CLIP3: variants seen among roughly 807,000 people sequenced by gnomAD.
CLIP3 encodes the protein CAP-Gly domain containing linker protein 3, also known as CAP-Gly domain-containing linker protein 3.
CLIP3 carries 15 observed loss-of-function variants against 59.4 expected under a neutral mutation model. The observed-to-expected ratio is 0.25, with a 90% CI of 0.17 to 0.39. The LOEUF is 0.39. Ranked by LOEUF, CLIP3 falls within the 10% of genes least tolerant of loss-of-function variation. The pLI, the probability that CLIP3 is intolerant of heterozygous loss-of-function variation, is 1.00. For missense variants in CLIP3, 495 were observed against 765.7 expected, an observed-to-expected ratio of 0.65 and a Z score of 4.17; for synonymous variants, 300 against 321.6, an observed-to-expected ratio of 0.93 and a Z score of 0.72.
At chr19:36,019,058 C>G in intron 8 of CLIP3, 32 bp from the exon 9 acceptor site, 1 of 1,585,772 alleles carries the variant, frequency 6.3e-7, no homozygotes, top group Non-Finnish European at 8.6e-7. Flanking sequence ...CTGGTGTTGT[C>G]CAAGCCTCTG....
intron 7 of CLIP3, among the ~76,000 whole-genome samples, chr19:36,019,598 A>ATTTTTTTTTTTTTTTTTTTT: frequency 1.0e-5 from 1 of 99,426 alleles, no homozygotes; most frequent in East Asian, 2.9e-4. Flanking sequence ...TTATTTATTT[A>ATTTTTTTTTTTTTTTTTTTT]TTTTATTTAT....
At chr19:36,024,066 G>A (rs890995553) in intron 7 of CLIP3, among the ~76,000 whole-genome samples, 19 of 152,144 alleles carry the variant, frequency 1.2e-4, no homozygotes, top group African/African-American at 4.1e-4. Context: ...GGGCCTGATC[G>A]AGGACCACAA....
chr19:36,022,655 C>CTT (rs1377212588), intron 7 of CLIP3, among the ~76,000 whole-genome samples: 2 of 152,214 alleles, frequency 1.3e-5, no homozygotes, highest in Non-Finnish European at 2.9e-5. Flanking sequence ...GGCGCAGTGG[C>CTT]TTATGCCTGT....
chr19:36,024,836 G>C (rs1049575975), intron 6 of CLIP3, among the ~76,000 whole-genome samples: 2 of 152,330 alleles, frequency 1.3e-5, no homozygotes, highest in Middle Eastern at 3.4e-3. Context: ...TGAGGCCGAG[G>C]CAGGCAGATG....
chr19:36,025,389 G>C (rs1025087760), intron 6 of CLIP3, among the ~76,000 whole-genome samples: 2 of 150,468 alleles, frequency 1.3e-5, no homozygotes, highest in African/African-American at 4.9e-5. Flanking sequence ...TCAGGAGCTC[G>C]AGACCAGCCT....
At position 36,014,829 on chromosome 19, in the gene CLIP3, G is replaced by A. The variant is rs988793415; in HGVS notation, c.*1329C>T. 8 of 154,888 alleles carry A rather than the reference G, an allele frequency of 5.2e-5. No individual in the cohort carries two copies. The highest frequency in any genetic ancestry group is 1.9e-4 in the African/African-American group (8 of 41,454). The allele number at this position is 154,888 out of a possible 1,614,324, so 9.6% of individuals were successfully genotyped here. ...CTGTTGGTCTGGCCCAGGTGCTGTG[G>A]GGTCCTTTGAGGCCAGTGACTAGAA... On this transcript the variant is annotated 3_prime_UTR_variant, in exon 14 of 14. Coordinates refer to ENST00000360535, the MANE Select transcript of CLIP3 (RefSeq NM_015526.3).
chr19:36,022,367 A>C (rs2145397544), intron 7 of CLIP3, among the ~76,000 whole-genome samples: 1 of 152,296 alleles, frequency 6.6e-6, no homozygotes, highest in South Asian at 2.1e-4. Flanking sequence ...ATTGACACCC[A>C]AAGAGGCAGA....
chr19:36,025,667 G>C (rs912022532), intron 6 of CLIP3, among the ~76,000 whole-genome samples: 2 of 152,148 alleles, frequency 1.3e-5, no homozygotes, highest in African/African-American at 4.8e-5. Flanking sequence ...CTCTGGGCCA[G>C]TGGAAAATGG....
rs755897777 is a variant in CLIP3 at position 36,016,639 on chromosome 19, C to T, written c.1589+268G>A. ...CTGGGATTAAAGGCATGAGCCACCC[C>T]GCCCGGTCTCTAGCTGTTGTTCTGA... On this transcript the variant is annotated intron_variant, in intron 13 of 13. Coordinates refer to ENST00000360535, the MANE Select transcript of CLIP3 (RefSeq NM_015526.3). The surrounding 1 kb of genome is among the most constrained non-coding windows in gnomAD (Gnocchi z 4.1). 6.6e-6 allele frequency among the ~76,000 whole-genome samples: 1 copy of T among 152,200 alleles called. No homozygotes were observed. The highest frequency in any genetic ancestry group is 1.5e-5 in the Non-Finnish European group (1 of 68,036).
At position 36,032,360 on chromosome 19, in the gene CLIP3, TCCTCGGTGGC is replaced by T. The variant is rs1049303868; in HGVS notation, c.-13_-4del. On this transcript the variant is annotated 5_prime_UTR_variant, in exon 2 of 14. Transcript: ENST00000360535. The surrounding 1 kb of genome is among the most constrained non-coding windows in gnomAD (Gnocchi z 4.3). ...GGGGCAGGATCTGTCTTAGTCATGG[TCCTCGGTGGC>T]CCTCGGGGGGCGGGTGCAGAGTTGG... The T allele has an allele frequency of 1.6e-6, 2 of 1,249,346 alleles. No homozygotes were observed. Among genetic ancestry groups the T allele is most frequent in the African/African-American group, 3.1e-5 (2 of 64,346 alleles). The allele number at this position is 1,249,346 out of a possible 1,614,324, so 77.4% of individuals were successfully genotyped here.
intron 7 of CLIP3, among the ~76,000 whole-genome samples, chr19:36,020,205 T>C (rs1486140941): frequency 6.6e-6 from 1 of 151,232 alleles, no homozygotes; most frequent in Non-Finnish European, 1.5e-5. Context: ...TGAGCTATGA[T>C]GGTGCCACTG....
At chr19:36,018,513 C>T (rs1024940944) in intron 9 of CLIP3, among the ~76,000 whole-genome samples, 2 of 143,618 alleles carry the variant, frequency 1.4e-5, no homozygotes, top group Admixed American at 7.3e-5. Flanking sequence ...ACCCGGGAGG[C>T]GGAGGTTGCG....
chr19:36,017,257 ATCATTT>A, intron 12 of CLIP3, 123 bp downstream of exon 12: 1 of 973,318 alleles, frequency 1.0e-6, no homozygotes, highest in African/African-American at 1.6e-5. Context: ...ACCTTGTCTC[ATCATTT>A]TCCTGGACCC....
At chr19:36,030,963 G>A (rs1010149561) in intron 2 of CLIP3, among the ~76,000 whole-genome samples, 40 of 145,124 alleles carry the variant, frequency 2.8e-4, no homozygotes, top group Middle Eastern at 3.8e-3. Context: ...AGTCATTATC[G>A]TATCTCCACC....
At chr19:36,020,714 T>A (rs182393851) in intron 7 of CLIP3, among the ~76,000 whole-genome samples, 214 of 152,354 alleles carry the variant, frequency 1.4e-3, no homozygotes, top group Non-Finnish European at 2.7e-3. Context: ...ATGTAGCTTG[T>A]AGCTACTTTA....
chr19:36,032,721 T>G lies in CLIP3; in HGVS notation c.-59+3A>C. 2.4e-5 allele frequency: 4 copies of G among 169,464 alleles called. No homozygotes were observed. The highest frequency in any genetic ancestry group is 3.8e-5 in the Non-Finnish European group (3 of 79,888). 10.5% of individuals were successfully genotyped at this position (169,464 alleles called of 1,614,324 possible). ...TCCGCGGGCCGCCCCCTCCCCATCT[T>G]ACCTCGGGCAGACAGCGCTGGGGAC... On this transcript the variant is annotated splice_donor_region_variant and intron_variant, in intron 1 of 13. Transcript: ENST00000360535. The surrounding 1 kb of genome is among the most constrained non-coding windows in gnomAD (Gnocchi z 4.3).
rs1969284817 is a variant in CLIP3 at position 36,032,244 on chromosome 19, C to T, written c.114G>A (p.Arg38=). ...PEAPSPTQER[R]QKPVVHPSAP... is the part of the protein sequence containing the mutation. The stretch of plus-strand genomic sequence containing the variant: ...CCGAGGGGTGCACAACAGGCTTCTG[C>T]CGGCGCTCCTGGGTGGGGCTGGGGG... Residue 38 remains arginine, a synonymous_variant, in exon 2 of 14, where the codon CGG becomes CGA. Coordinates refer to ENST00000360535, the MANE Select transcript of CLIP3 (RefSeq NM_015526.3). This position sits in a 1 kb window ranked among gnomAD's most constrained non-coding sequence, Gnocchi z 4.3. The T allele has an allele frequency of 2.3e-6, 3 of 1,307,054 alleles. No homozygotes were observed. The highest frequency in any genetic ancestry group is 2.9e-5 in the East Asian group (1 of 33,902). 81.0% of individuals were successfully genotyped at this position (1,307,054 alleles called of 1,614,324 possible). A position where few individuals can be genotyped will look rare whatever the true frequency, so the allele number is the denominator to read the frequency against.
At chr19:36,025,223 T>C (rs1969069720) in intron 6 of CLIP3, among the ~76,000 whole-genome samples, 1 of 152,024 alleles carries the variant, frequency 6.6e-6, no homozygotes, top group Non-Finnish European at 1.5e-5. Flanking sequence ...GTGCTGTAGG[T>C]CACGCCCTCA....
Position 36,026,043 on chromosome 19 carries a change from T to G in CLIP3, c.681+104A>C. ...GCATTTGCTGAATGTACAGACGGCA[T>G]TTGTAGTATTTGGGGAGTCACGGGA... On this transcript the variant is annotated intron_variant, in intron 6 of 13. Coordinates refer to ENST00000360535, the MANE Select transcript of CLIP3 (RefSeq NM_015526.3). This position sits in a 1 kb window ranked among gnomAD's most constrained non-coding sequence, Gnocchi z 6.3. 1 of 777,440 alleles carries G rather than the reference T, an allele frequency of 1.3e-6. No homozygotes were observed. The highest frequency in any genetic ancestry group is 2.2e-6 in the Non-Finnish European group (1 of 447,136). The allele number at this position is 777,440 out of a possible 1,614,324, so 48.2% of individuals were successfully genotyped here.
Sources: gnomAD v4.1 joint callset for allele counts (sites outside exome capture counted in the v4.1 genomes callset) on GRCh38, gnomAD v4.1.1 for gene constraint, Gnocchi (gnomAD v3.1) non-coding constraint, MANE v1.5 for transcripts, NCBI Gene and HGNC (gene_info 2026-07-23, HGNC 2026-07-21) for gene names.